The following CCDC125 variants were observed in gnomAD, a reference collection of about 807,000 sequenced individuals.
CCDC125 encodes the protein coiled-coil domain-containing protein 125.
A neutral mutation model predicts 57.4 loss-of-function variants in CCDC125; 43 were observed. The observed-to-expected ratio is 0.75, with a 90% CI of 0.59 to 0.97. The LOEUF (loss-of-function observed/expected upper bound fraction) is 0.97, where lower values mean the gene tolerates loss of function less well. Among genes scored for constraint, CCDC125 ranks in the 50% least tolerant of loss-of-function variants. The probability of loss-of-function intolerance (pLI) is 0.00; values close to 1 mark genes in which losing one functional copy is unlikely to be tolerated. For synonymous variants in CCDC125, 187 were observed against 195.2 expected (o/e 0.96, Z 0.35); for missense variants, 563 against 595.7 (o/e 0.95, Z 0.57).
At chr5:69,313,305 C>A in intron 3 of CCDC125, 1 of 712,984 alleles carries the variant, frequency 1.4e-6, no homozygotes, top group Non-Finnish European at 2.4e-6. Flanking sequence ...AGGAAGGGGG[C>A]AGCCTGCAAC....
chr5:69,317,338 A>G (rs1215942710), intron 2 of CCDC125, among the ~76,000 whole-genome samples: 1 of 152,182 alleles, frequency 6.6e-6, no homozygotes, highest in Non-Finnish European at 1.5e-5. Flanking sequence ...GCATCTTAGC[A>G]TCATGCTCAG....
At chr5:69,286,454 G>T (rs753825281) in intron 10 of CCDC125, among the ~76,000 whole-genome samples, 12 of 150,916 alleles carry the variant, frequency 8.0e-5, no homozygotes, top group Non-Finnish European at 8.9e-5. Context: ...GGATGGTCTC[G>T]ATCTCCTGAC....
chr5:69,297,312 A>C (rs1253400960), intron 8 of CCDC125, among the ~76,000 whole-genome samples: 1 of 151,120 alleles, frequency 6.6e-6, no homozygotes, highest in Non-Finnish European at 1.5e-5. Flanking sequence ...AAGCGCTGGG[A>C]TTATAGATGT....
chr5:69,285,424 C>T lies in CCDC125; in HGVS notation c.1143G>A (p.Leu381=). The part of the protein sequence containing the change: ...PRSKKTFGQR[L]LGMLPSENSS... ...TGTTTTCTGAAGGGAGCATACCCAACAGTCTCTGCCCGAAGGTCTTCTTAC... is the reference window on the plus strand; with the variant it reads ...TGTTTTCTGAAGGGAGCATACCCAATAGTCTCTGCCCGAAGGTCTTCTTAC... Residue 381 remains leucine (L), a synonymous_variant, in exon 11 of 12, where the codon CTG becomes CTA. Coordinates refer to ENST00000396496, the MANE Select transcript of CCDC125 (RefSeq NM_176816.5). The T allele has an allele frequency of 6.2e-7, 1 of 1,610,036 alleles. No individual in the cohort carries two copies. Among genetic ancestry groups the T allele is most frequent in the South Asian group, 1.1e-5 (1 of 90,328 alleles).
At chr5:69,317,969 T>C (rs1286522637) in intron 2 of CCDC125, among the ~76,000 whole-genome samples, 5 of 142,194 alleles carry the variant, frequency 3.5e-5, no homozygotes, top group East Asian at 2.1e-4. Flanking sequence ...ACCTTGTCTC[T>C]AGAATTTTTT....
intron 8 of CCDC125, among the ~76,000 whole-genome samples, chr5:69,298,478 G>A (rs1259996860): frequency 6.6e-6 from 1 of 152,202 alleles, no homozygotes; most frequent in East Asian, 1.9e-4. Flanking sequence ...GCTTTCAGTT[G>A]AGCTGAATGT....
At position 69,295,543 on chromosome 5, in the gene CCDC125, G is replaced by A. The variant is rs933884286; in HGVS notation, c.817-643C>T. ...AGATTAGAGAGTAACCCTCTTCCTCGTTGCTCTTGTTCTGTAAATGAGGAG... is the reference window on the plus strand; with the variant it reads ...AGATTAGAGAGTAACCCTCTTCCTCATTGCTCTTGTTCTGTAAATGAGGAG... On this transcript the variant is annotated intron_variant, in intron 8 of 11. Coordinates refer to ENST00000396496, the MANE Select transcript of CCDC125 (RefSeq NM_176816.5). Among the ~76,000 whole-genome samples, 10 of 151,864 alleles carry A rather than the reference G, an allele frequency of 6.6e-5. 1 individual carries two copies. The highest frequency in any genetic ancestry group is 1.2e-4 in the Non-Finnish European group (8 of 68,042).
chr5:69,327,121 G>A (rs895774759), intron 1 of CCDC125, among the ~76,000 whole-genome samples: 1 of 141,064 alleles, frequency 7.1e-6, no homozygotes, highest in Non-Finnish European at 1.5e-5. Context: ...TTGAGACAGC[G>A]TCTTGCTCTG....
At chr5:69,300,851 G>A (rs1256494705) in intron 7 of CCDC125, among the ~76,000 whole-genome samples, 1 of 151,804 alleles carries the variant, frequency 6.6e-6, no homozygotes, top group Non-Finnish European at 1.5e-5. Context: ...AGCTTTTTTT[G>A]TCCTTTTCTT....
chr5:69,331,867 C>T (rs1240965679), intron 1 of CCDC125, among the ~76,000 whole-genome samples: 2 of 152,226 alleles, frequency 1.3e-5, no homozygotes, highest in Non-Finnish European at 2.9e-5. Context: ...CTTCCCAGTT[C>T]TGGGAGGTTT....
In CCDC125 at chr5:69,290,302, C is replaced by T. The variant is rs191258625; in HGVS notation, c.1099+1886G>A. Among the ~76,000 whole-genome samples the T allele has an allele frequency of 9.4e-3, 1,403 of 149,060 alleles. 21 individuals are homozygous for T. Among genetic ancestry groups the T allele is most frequent in the African/African-American group, 0.033 (1,340 of 40,024 alleles). ...CATTTTATTATTATTATTATTATTA[C>T]TATTATTATTATTATTTTGAGACAG... On this transcript the variant is annotated intron_variant, in intron 10 of 11. Coordinates refer to ENST00000396496, the MANE Select transcript of CCDC125 (RefSeq NM_176816.5).
intron 8 of CCDC125, among the ~76,000 whole-genome samples, chr5:69,299,460 C>A (rs1223907012): frequency 6.6e-6 from 1 of 152,196 alleles, no homozygotes; most frequent in Non-Finnish European, 1.5e-5. Flanking sequence ...TCTACTGCTC[C>A]ATTATTTTTT....
intron 9 of CCDC125, 96 bp from the exon 10 acceptor site, chr5:69,292,458 T>G: frequency 1.2e-6 from 1 of 856,674 alleles, no homozygotes; most frequent in Non-Finnish European, 1.9e-6. Context: ...TCTCACTGCC[T>G]AGCACTGGTT....
intron 2 of CCDC125, among the ~76,000 whole-genome samples, chr5:69,319,643 G>A (rs189580453): frequency 3.1e-4 from 47 of 151,574 alleles, no homozygotes; most frequent in Non-Finnish European, 5.7e-4. Context: ...TACCACGCCC[G>A]GCTAATTTTT....
chr5:69,298,153 T>A (rs868411285), intron 8 of CCDC125, among the ~76,000 whole-genome samples: 65 of 151,854 alleles, frequency 4.3e-4, no homozygotes, highest in African/African-American at 1.5e-3. Flanking sequence ...GTAGCTGGGA[T>A]TACAGGCATA....
At chr5:69,285,276 G>A in intron 11 of CCDC125, 61 bp downstream of exon 11, 1 of 1,581,128 alleles carries the variant, frequency 6.3e-7, no homozygotes, top group Non-Finnish European at 8.6e-7. Flanking sequence ...GCTCCCCACG[G>A]ACCGTGGGTT....
chr5:69,331,058 T>C (rs1055569050), intron 1 of CCDC125, among the ~76,000 whole-genome samples: 2 of 151,896 alleles, frequency 1.3e-5, no homozygotes, highest in Admixed American at 6.6e-5. Flanking sequence ...ATCCGAGCAC[T>C]TTGGGAGGCT....
chr5:69,316,607 C>T (rs919038849), intron 2 of CCDC125, among the ~76,000 whole-genome samples: 23 of 152,212 alleles, frequency 1.5e-4, no homozygotes, highest in Non-Finnish European at 3.2e-4. Flanking sequence ...CTTTATTGCT[C>T]AGGCTGCAGT....
At chr5:69,295,513 C>A (rs1755161915) in intron 8 of CCDC125, among the ~76,000 whole-genome samples, 1 of 152,204 alleles carries the variant, frequency 6.6e-6, no homozygotes, top group Non-Finnish European at 1.5e-5. Context: ...TGAAATGCTG[C>A]TTCTAGATTA....
Sources: allele counts gnomAD v4.1 joint callset (sites outside exome capture counted in the v4.1 genomes callset), GRCh38; gene constraint gnomAD v4.1.1; transcripts MANE v1.5; gene names NCBI Gene and HGNC (gene_info 2026-07-23, HGNC 2026-07-21).